The following SRGAP2B variants were observed in gnomAD, a reference collection of about 807,000 sequenced individuals.
SRGAP2B encodes SLIT-ROBO Rho GTPase-activating protein 2B.
In SRGAP2B, 9 loss-of-function variants were observed where a neutral mutation model predicts 22.2. The observed-to-expected ratio is 0.41, with a 90% CI of 0.24 to 0.71. SRGAP2B has a LOEUF of 0.71. SRGAP2B is among the 30% of genes least tolerant of loss of function. The probability of loss-of-function intolerance (pLI) is 0.35; values close to 1 mark genes in which losing one functional copy is unlikely to be tolerated. For synonymous variants in SRGAP2B, 36 were observed against 87.4 expected (o/e 0.41, Z 3.28); for missense variants, 114 against 235.8 (o/e 0.48, Z 3.38).
At position 144,998,456 on chromosome 1, in the gene SRGAP2B, G is replaced by GA. The variant is rs797037514; in HGVS notation, c.68-3257dup. 6.6e-5 allele frequency among the ~76,000 whole-genome samples: 9 copies of GA among 136,994 alleles called. No individual in the cohort carries two copies. In the South Asian group the frequency reaches 7.1e-4, roughly 11 times the overall value. 89.9% of individuals were successfully genotyped at this position (136,994 alleles called of 152,430 possible). On this transcript the variant is annotated intron_variant, in intron 2 of 9. Coordinates refer to ENST00000612199, the Ensembl canonical transcript of SRGAP2B. Reference sequence around the variant, plus strand: ...AGCAATATCCCCACCCCTGATCCAGGAAAAAAAAGAGGCTCTGTTAATAGA... The same window carrying GA: ...AGCAATATCCCCACCCCTGATCCAGGAAAAAAAAAGAGGCTCTGTTAATAGA...
intron 3 of SRGAP2B, among the ~76,000 whole-genome samples, chr1:144,957,227 C>T (rs1667331941): frequency 6.6e-6 from 1 of 150,840 alleles, no homozygotes; most frequent in Non-Finnish European, 1.5e-5. Flanking sequence ...TGAGTCAGTA[C>T]TGCCTCCATT....
In SRGAP2B at chr1:145,030,100, C is replaced by T. The variant is rs1490668330; in HGVS notation, c.68-34900G>A. ...TTACACTAATACTTTTTATAATGTC[C>T]TTAGCCCCCTTTTGTTCTTACTCTC... On this transcript the variant is annotated intron_variant, in intron 2 of 9. Coordinates refer to ENST00000612199, the Ensembl canonical transcript of SRGAP2B. Among the ~76,000 whole-genome samples the T allele has an allele frequency of 4.9e-4, 73 of 149,238 alleles. 2 individuals are homozygous for T. Among genetic ancestry groups the T allele is most frequent in the Middle Eastern group, 3.4e-3 (1 of 292 alleles).
intron 3 of SRGAP2B, among the ~76,000 whole-genome samples, chr1:144,958,057 G>C (rs1278739983): frequency 1.3e-5 from 2 of 149,680 alleles, no homozygotes; most frequent in Non-Finnish European, 2.9e-5. Flanking sequence ...ATGGTGTTAG[G>C]TGCTTTAGTG....
chr1:144,924,731 C>CA (rs1156257790), intron 4 of SRGAP2B, among the ~76,000 whole-genome samples: 10,306 of 57,942 alleles, frequency 0.18, 927 homozygotes, highest in African/African-American at 0.32. Context: ...AACTCCGTCT[C>CA]AAAAAAAAAA....
intron 7 of SRGAP2B, among the ~76,000 whole-genome samples, chr1:144,904,174 G>C (rs1192387898): frequency 6.7e-6 from 1 of 149,998 alleles, no homozygotes; most frequent in Non-Finnish European, 1.5e-5. Flanking sequence ...CCTAATTTGC[G>C]CATAACCTTG....
chr1:144,906,102 C>T (rs1662973850), intron 5 of SRGAP2B, 28 bp from the exon 6 acceptor site: 1 of 711,198 alleles, frequency 1.4e-6, no homozygotes, highest in Admixed American at 2.0e-5. Flanking sequence ...CCCCCACCCC[C>T]AGAGGTCAAG....
intron 3 of SRGAP2B, among the ~76,000 whole-genome samples, chr1:144,966,075 T>A (rs1388313803): frequency 1.3e-5 from 2 of 149,466 alleles, no homozygotes; most frequent in East Asian, 2.0e-4. Context: ...CTGCAGGATA[T>A]TATCCAGGAG....
chr1:144,920,964 T>C (rs1478746614), intron 4 of SRGAP2B, among the ~76,000 whole-genome samples: 1 of 149,504 alleles, frequency 6.7e-6, no homozygotes, highest in Non-Finnish European at 1.5e-5. Context: ...GGCTGGATTT[T>C]AGGGAGTAAG....
At chr1:144,957,107 C>G (rs1213343640) in intron 3 of SRGAP2B, among the ~76,000 whole-genome samples, 1 of 150,484 alleles carries the variant, frequency 6.6e-6, no homozygotes, top group Non-Finnish European at 1.5e-5. Flanking sequence ...AAAGCGAGTA[C>G]TCTCATTCAC....
At chr1:144,971,249 G>A (rs1553613203) in intron 3 of SRGAP2B, among the ~76,000 whole-genome samples, 2 of 148,444 alleles carry the variant, frequency 1.3e-5, no homozygotes, top group Non-Finnish European at 3.0e-5. Flanking sequence ...TCCTGCCTCA[G>A]CCTCCTGAGT....
At chr1:144,960,496 A>C (rs928094) in intron 3 of SRGAP2B, among the ~76,000 whole-genome samples, 1 of 150,342 alleles carries the variant, frequency 6.7e-6, no homozygotes, top group Non-Finnish European at 1.5e-5. Flanking sequence ...TTCTCCCTCA[A>C]CTTGGACTAT....
intron 7 of SRGAP2B, among the ~76,000 whole-genome samples, chr1:144,904,177 T>C (rs1243436098): frequency 6.7e-6 from 1 of 150,228 alleles, no homozygotes; most frequent in African/African-American, 2.5e-5. Context: ...AATTTGCGCA[T>C]AACCTTGGAC....
intron 3 of SRGAP2B, among the ~76,000 whole-genome samples, chr1:144,956,438 CCT>C (rs1667271231): frequency 3.1e-5 from 4 of 128,290 alleles, no homozygotes; most frequent in Non-Finnish European, 3.3e-5. Flanking sequence ...GTGCTCATTC[CCT>C]TTTTTTTTTT....
intron 2 of SRGAP2B, among the ~76,000 whole-genome samples, chr1:145,001,886 G>T (rs1392499005): frequency 2.0e-5 from 3 of 149,782 alleles, no homozygotes; most frequent in South Asian, 2.1e-4. Context: ...AGCTGGGGGG[G>T]TGGTGCATGC....
intron 3 of SRGAP2B, among the ~76,000 whole-genome samples, chr1:144,984,176 C>G: frequency 2.0e-5 from 3 of 150,368 alleles, no homozygotes; most frequent in Admixed American, 2.0e-4. Context: ...CAAAATTAGC[C>G]TGGCGTCGTG....
intron 4 of SRGAP2B, among the ~76,000 whole-genome samples, chr1:144,926,498 C>T (rs1159512893): frequency 7.2e-6 from 1 of 138,598 alleles, no homozygotes; most frequent in Non-Finnish European, 1.6e-5. Context: ...CTACCCCCAC[C>T]CAGACACAGA....
chr1:145,010,714 T>C (rs1302231069), intron 2 of SRGAP2B, among the ~76,000 whole-genome samples: 2 of 150,744 alleles, frequency 1.3e-5, no homozygotes, highest in Non-Finnish European at 2.9e-5. Context: ...CTTCTGTTTA[T>C]GTGTACCAAA....
Position 144,940,547 on chromosome 1 carries a change from C to T in SRGAP2B, c.423+14892G>A, listed in dbSNP as rs1665949492. Among the ~76,000 whole-genome samples, 2 of 143,996 alleles carry T rather than the reference C, an allele frequency of 1.4e-5. 1 individual carries two copies. Among genetic ancestry groups the T allele is most frequent in the African/African-American group, 5.3e-5 (2 of 37,680 alleles). The allele number at this position is 143,996 out of a possible 152,430, so 94.5% of individuals were successfully genotyped here. On this transcript the variant is annotated intron_variant, in intron 4 of 9. Transcript: ENST00000612199. ...GTCGTGGTGGCTCACGCCTGAAATCCCAGCACTTTGGGAGGCCAAGGCAGG... is the reference window on the plus strand; with the variant it reads ...GTCGTGGTGGCTCACGCCTGAAATCTCAGCACTTTGGGAGGCCAAGGCAGG...
intron 3 of SRGAP2B, among the ~76,000 whole-genome samples, chr1:144,984,021 T>C (rs1461941403): frequency 6.6e-6 from 1 of 150,964 alleles, no homozygotes; most frequent in Non-Finnish European, 1.5e-5. Flanking sequence ...TAACTTCTGT[T>C]AAAAAACACT....
Sources: allele counts gnomAD v4.1 joint callset (sites outside exome capture counted in the v4.1 genomes callset), GRCh38; gene constraint gnomAD v4.1.1; transcripts MANE v1.5; gene names NCBI Gene and HGNC (gene_info 2026-07-23, HGNC 2026-07-21).